SLC35F3: variants seen among roughly 807,000 people sequenced by gnomAD.
SLC35F3 encodes the protein solute carrier family 35 member F3, also known as putative thiamine transporter SLC35F3.
SLC35F3 carries 25 observed loss-of-function variants against 49.9 expected under a neutral mutation model. That is an observed-to-expected ratio of 0.50 (90% confidence interval 0.37 to 0.70). The LOEUF is 0.70. Among genes scored for constraint, SLC35F3 ranks in the 30% least tolerant of loss-of-function variants. The pLI is 0.00. For synonymous variants in SLC35F3, 275 were observed against 265.4 expected, an observed-to-expected ratio of 1.04 and a Z score of -0.35; for missense variants, 525 against 639.8, an observed-to-expected ratio of 0.82 and a Z score of 1.94.
At chr1:233,955,765 GT>G (rs551238786) in intron 2 of SLC35F3, among the ~76,000 whole-genome samples, 1,287 of 112,894 alleles carry the variant, frequency 0.011, 8 homozygotes, top group Middle Eastern at 0.032. Context: ...CTCACGAACT[GT>G]TTTTTTTTTT....
intron 2 of SLC35F3, among the ~76,000 whole-genome samples, chr1:234,133,626 A>C (rs1341992663): frequency 6.6e-6 from 1 of 152,212 alleles, no homozygotes; most frequent in Admixed American, 6.5e-5. Context: ...TCAAGAGTTA[A>C]ATTTAGGAAA....
At chr1:234,044,005 C>T (rs2102854473) in intron 2 of SLC35F3, among the ~76,000 whole-genome samples, 1 of 152,254 alleles carries the variant, frequency 6.6e-6, no homozygotes, top group South Asian at 2.1e-4. Flanking sequence ...ACAGTGTTGA[C>T]AGGTAGAACC....
At chr1:234,157,243 C>T (rs1237838784) in intron 2 of SLC35F3, among the ~76,000 whole-genome samples, 1 of 152,164 alleles carries the variant, frequency 6.6e-6, no homozygotes, top group Non-Finnish European at 1.5e-5. Flanking sequence ...ATCATCTCAT[C>T]CTTAGATTAT....
chr1:234,262,369 C>T (rs181107982), intron 3 of SLC35F3, among the ~76,000 whole-genome samples: 222 of 152,288 alleles, frequency 1.5e-3, no homozygotes, highest in Admixed American at 2.7e-3. Flanking sequence ...ATGTAACAAG[C>T]TTGTTTGATA....
At chr1:234,093,832 A>G (rs1421463974) in intron 2 of SLC35F3, among the ~76,000 whole-genome samples, 1 of 152,236 alleles carries the variant, frequency 6.6e-6, no homozygotes, top group East Asian at 1.9e-4. Flanking sequence ...ATGTCTTGCC[A>G]TTTCCCCTGT....
At chr1:234,036,591 A>G (rs1225541265) in intron 2 of SLC35F3, among the ~76,000 whole-genome samples, 2 of 152,180 alleles carry the variant, frequency 1.3e-5, no homozygotes, top group Non-Finnish European at 2.9e-5. Flanking sequence ...TTCAATTTTG[A>G]CATGTGTCCA....
chr1:234,123,635 C>A (rs1381011908), intron 2 of SLC35F3, among the ~76,000 whole-genome samples: 1 of 148,842 alleles, frequency 6.7e-6, no homozygotes, highest in Non-Finnish European at 1.5e-5. Context: ...CCAGGCTATT[C>A]TTGAACTCCT....
At chr1:234,245,995 G>T (rs1667625752) in intron 3 of SLC35F3, among the ~76,000 whole-genome samples, 1 of 152,156 alleles carries the variant, frequency 6.6e-6, no homozygotes. Flanking sequence ...CATCAACTTT[G>T]CCTCTTGACT....
At chr1:234,138,226 T>C (rs971750944) in intron 2 of SLC35F3, among the ~76,000 whole-genome samples, 14 of 152,236 alleles carry the variant, frequency 9.2e-5, no homozygotes, top group African/African-American at 3.4e-4. Context: ...CAATTTTGTA[T>C]GGCTGTATCT....
In SLC35F3 at chr1:233,908,879, G is replaced by A. The variant is rs904583052; in HGVS notation, c.283+3121G>A. Among the ~76,000 whole-genome samples the A allele has an allele frequency of 6.7e-5, 10 of 149,316 alleles. No homozygotes were observed. The East Asian group carries it at 2.0e-3, about 30-fold the overall frequency. ...CAAATAATAGTATTTTTTTTTAGAA[G>A]GAGTTTTGCTCTGTCGCCCAGGCTA... On this transcript the variant is annotated intron_variant, in intron 2 of 7. Transcript: ENST00000366618.
intron 2 of SLC35F3, among the ~76,000 whole-genome samples, chr1:233,937,302 TAC>T (rs1337569608): frequency 6.6e-6 from 1 of 152,236 alleles, no homozygotes; most frequent in East Asian, 1.9e-4. Flanking sequence ...AAGATCAGGA[TAC>T]AAAAAGTAGC....
At chr1:233,961,039 C>T (rs1662791067) in intron 2 of SLC35F3, among the ~76,000 whole-genome samples, 1 of 152,072 alleles carries the variant, frequency 6.6e-6, no homozygotes. Flanking sequence ...CAGTTCCTCA[C>T]ACTGCCTATA....
intron 2 of SLC35F3, among the ~76,000 whole-genome samples, chr1:234,116,575 A>G (rs1426809966): frequency 6.7e-6 from 1 of 150,156 alleles, no homozygotes; most frequent in Non-Finnish European, 1.5e-5. Flanking sequence ...GCAATGGCGC[A>G]ATCTCAGCTC....
chr1:234,173,597 A>G (rs1219099945), intron 2 of SLC35F3, among the ~76,000 whole-genome samples: 1 of 152,226 alleles, frequency 6.6e-6, no homozygotes, highest in South Asian at 2.1e-4. Context: ...AGCACTGGCT[A>G]AGCATGGTTC....
chr1:234,251,318 A>G (rs561381174), intron 3 of SLC35F3, among the ~76,000 whole-genome samples: 1 of 152,232 alleles, frequency 6.6e-6, no homozygotes, highest in East Asian at 1.9e-4. Context: ...AAGTTTATGA[A>G]AGGAAAGTGC....
At chr1:233,997,252 C>T (rs1240801477) in intron 2 of SLC35F3, among the ~76,000 whole-genome samples, 1 of 152,064 alleles carries the variant, frequency 6.6e-6, no homozygotes, top group Non-Finnish European at 1.5e-5. Context: ...ATTTCATTTC[C>T]TTTGGGTATA....
intron 3 of SLC35F3, among the ~76,000 whole-genome samples, chr1:234,253,879 C>T (rs566614171): frequency 1.3e-5 from 2 of 152,272 alleles, no homozygotes; most frequent in South Asian, 4.2e-4. Context: ...CAAGGAAGGT[C>T]AATGTCACTG....
chr1:234,066,977 A>G (rs1356307140), intron 2 of SLC35F3, among the ~76,000 whole-genome samples: 1 of 152,220 alleles, frequency 6.6e-6, no homozygotes, highest in African/African-American at 2.4e-5. Context: ...GTATGAATAA[A>G]GCTAGTCACT....
rs1242959891 is a variant in SLC35F3, at chr1:234,124,093, G to C, written c.284-107324G>C. Among the ~76,000 whole-genome samples the C allele has an allele frequency of 3.9e-5, 6 of 152,184 alleles. No individual in the cohort carries two copies. In the South Asian group the frequency reaches 1.2e-3, roughly 32 times the overall value. ...GATATGATATCGTAGAGGACATGGA[G>C]CTTTCCCACTGAGAGTCTTCAGTGT... On this transcript the variant is annotated intron_variant, in intron 2 of 7. Coordinates refer to ENST00000366618, the MANE Select transcript of SLC35F3 (RefSeq NM_173508.4).
Sources: gnomAD v4.1 joint callset for allele counts (sites outside exome capture counted in the v4.1 genomes callset) on GRCh38, gnomAD v4.1.1 for gene constraint, MANE v1.5 for transcripts, NCBI Gene and HGNC (gene_info 2026-07-23, HGNC 2026-07-21) for gene names.